Variants in SORCS2 observed in about 807,000 individuals in gnomAD.
The protein encoded by SORCS2 is sortilin related VPS10 domain containing receptor 2, also known as VPS10 domain-containing receptor SorCS2.
Under a neutral mutation model 141.6 loss-of-function variants are expected in SORCS2, and 100 were observed. The ratio of observed to expected loss-of-function variants is 0.71; its 90% CI spans 0.60 to 0.83. The LOEUF is 0.83. SORCS2 is among the 40% of genes least tolerant of loss of function. The pLI is 0.00. For synonymous variants in SORCS2, 789 were observed against 676.9 expected (o/e 1.17, Z -2.57); for missense variants, 1,646 against 1,560.2 (o/e 1.05, Z -0.93).
At chr4:7,645,953 C>T (rs539662099) in intron 4 of SORCS2, among the ~76,000 whole-genome samples, 3 of 152,354 alleles carry the variant, frequency 2.0e-5, no homozygotes, top group African/African-American at 7.2e-5. Flanking sequence ...AGAGACCACA[C>T]AGCCCACCCG....
chr4:7,516,390 G>A (rs910018470), intron 2 of SORCS2, among the ~76,000 whole-genome samples: 1 of 152,248 alleles, frequency 6.6e-6, no homozygotes, highest in African/African-American at 2.4e-5. Context: ...CTGTTGTTAG[G>A]GGCTCTGGCT....
At chr4:7,253,812 G>A (rs1420570632) in intron 1 of SORCS2, among the ~76,000 whole-genome samples, 1 of 152,244 alleles carries the variant, frequency 6.6e-6, no homozygotes. Context: ...TCCTGAAGAA[G>A]TCACGGGATT....
intron 1 of SORCS2, among the ~76,000 whole-genome samples, chr4:7,340,087 A>G (rs1025190466): frequency 1.3e-5 from 2 of 152,236 alleles, no homozygotes; most frequent in African/African-American, 2.4e-5. Flanking sequence ...GCCAGGCCGC[A>G]TGTTCAGGAC....
intron 1 of SORCS2, among the ~76,000 whole-genome samples, chr4:7,368,298 G>A (rs1722026009): frequency 6.6e-6 from 1 of 152,220 alleles, no homozygotes; most frequent in Non-Finnish European, 1.5e-5. Context: ...AGTGAAAAAA[G>A]CAATGTGGCC....
intron 1 of SORCS2, among the ~76,000 whole-genome samples, chr4:7,222,468 T>A (rs1258537515): frequency 1.3e-5 from 2 of 152,106 alleles, no homozygotes; most frequent in Non-Finnish European, 2.9e-5. Flanking sequence ...TCAGTGTTGC[T>A]TGGGACTGGC....
intron 1 of SORCS2, among the ~76,000 whole-genome samples, chr4:7,350,370 T>C (rs1398810844): frequency 6.6e-6 from 1 of 152,220 alleles, no homozygotes; most frequent in South Asian, 2.1e-4. Context: ...TCATCAGATA[T>C]AATTTTGAAG....
At chr4:7,578,943 A>T (rs1715954182) in intron 3 of SORCS2, among the ~76,000 whole-genome samples, 1 of 152,164 alleles carries the variant, frequency 6.6e-6, no homozygotes, top group African/African-American at 2.4e-5. Flanking sequence ...CTGTGGGTGG[A>T]TGTCAGGGAG....
At chr4:7,489,893 AG>A (rs894844272) in intron 2 of SORCS2, among the ~76,000 whole-genome samples, 3 of 152,140 alleles carry the variant, frequency 2.0e-5, no homozygotes, top group African/African-American at 7.2e-5. Context: ...TGGAGCCACA[AG>A]GAGGGGCATT....
At chr4:7,306,449 G>C (rs1259307066) in intron 1 of SORCS2, among the ~76,000 whole-genome samples, 3 of 152,212 alleles carry the variant, frequency 2.0e-5, no homozygotes, top group Non-Finnish European at 4.4e-5. Flanking sequence ...TGGCCCTGCT[G>C]TGTCTGAGGG....
At chr4:7,719,522 G>A (rs1286218393) in intron 18 of SORCS2, among the ~76,000 whole-genome samples, 1 of 152,212 alleles carries the variant, frequency 6.6e-6, no homozygotes. Context: ...TGAGTCTGGG[G>A]CCCCTAGACC....
rs115568649 is a variant in SORCS2, at chr4:7,267,275, C to T, written c.480+74149C>T. Among the ~76,000 whole-genome samples the T allele has an allele frequency of 7.6e-3, 1,155 of 152,260 alleles. 13 individuals are homozygous for T. The highest frequency in any genetic ancestry group is 0.025 in the African/African-American group (1,033 of 41,536). On this transcript the variant is annotated intron_variant, in intron 1 of 26. Transcript: ENST00000507866. ...CCCTGTTTTACCTAAGCGTTAAATT[C>T]GTGGATGCTGATTTTCAATTCTTAG...
chr4:7,318,859 C>A (rs919916300), intron 1 of SORCS2, among the ~76,000 whole-genome samples: 15 of 152,176 alleles, frequency 9.9e-5, no homozygotes, highest in African/African-American at 3.4e-4. Context: ...TATCACTCCC[C>A]AGAATCCCTT....
intron 2 of SORCS2, chr4:7,433,291 C>T: frequency 7.3e-7 from 1 of 1,370,520 alleles, no homozygotes; most frequent in Non-Finnish European, 9.4e-7. Flanking sequence ...CGCTAGCAGG[C>T]TCTGGGTCTC....
In SORCS2 at chr4:7,636,189, AACAGGG is replaced by A. The variant is rs1346275469; in HGVS notation, c.649-2138_649-2133del. On this transcript the variant is annotated intron_variant, in intron 3 of 26. Transcript: ENST00000507866. ...GCGCACCCTGCAGTGTGTGGCTAAG[AACAGGG>A]CTCTGGAGTCAAATGCTTGGCTCCA... Among the ~76,000 whole-genome samples the A allele has an allele frequency of 1.4e-3, 207 of 152,284 alleles. 5 individuals are homozygous for A. The highest frequency in any genetic ancestry group is 3.4e-3 in the Middle Eastern group (1 of 294).
At chr4:7,529,960 G>A (rs963533053) in intron 2 of SORCS2, among the ~76,000 whole-genome samples, 5 of 152,178 alleles carry the variant, frequency 3.3e-5, no homozygotes, top group Admixed American at 6.5e-5. Context: ...AGAGGGCTGG[G>A]GGTTGGGGGT....
At chr4:7,480,063 G>A (rs1395579223) in intron 2 of SORCS2, among the ~76,000 whole-genome samples, 1 of 151,974 alleles carries the variant, frequency 6.6e-6, no homozygotes, top group Admixed American at 6.6e-5. Flanking sequence ...TCTGACCTAT[G>A]AGCTGAACTC....
At chr4:7,594,761 C>T (rs191127821) in intron 3 of SORCS2, among the ~76,000 whole-genome samples, 9 of 152,166 alleles carry the variant, frequency 5.9e-5, no homozygotes, top group South Asian at 2.1e-4. Flanking sequence ...GTCTGGACCA[C>T]GCTTCCACCG....
rs906735147 is a variant in SORCS2 at position 7,712,987 on chromosome 4, C to T, written c.1989+134C>T. On this transcript the variant is annotated intron_variant, in intron 15 of 26. Transcript: ENST00000507866. ...CTCCAAGAAGTCTTCAGGGAATCCCCAGCGCCTTGAGATGTCCAGGCCTCC... is the reference window on the plus strand; with the variant it reads ...CTCCAAGAAGTCTTCAGGGAATCCCTAGCGCCTTGAGATGTCCAGGCCTCC... 4.5e-6 allele frequency: 6 copies of T among 1,347,104 alleles called. No individual in the cohort carries two copies. The African/African-American group carries it at 7.3e-5, about 16-fold the overall frequency. The allele number at this position is 1,347,104 out of a possible 1,614,324, so 83.4% of individuals were successfully genotyped here. A position where few individuals can be genotyped will look rare whatever the true frequency, so the allele number is the denominator to read the frequency against.
intron 23 of SORCS2, 112 bp from the exon 24 acceptor site, chr4:7,733,210 C>A (rs1711845210): frequency 6.4e-6 from 4 of 622,010 alleles, no homozygotes; most frequent in Non-Finnish European, 1.0e-5. Flanking sequence ...GAAGACCCCC[C>A]CAACACGTGG....
Sources: gnomAD v4.1 joint callset for allele counts (sites outside exome capture counted in the v4.1 genomes callset) on GRCh38, gnomAD v4.1.1 for gene constraint, MANE v1.5 for transcripts, NCBI Gene and HGNC (gene_info 2026-07-23, HGNC 2026-07-21) for gene names.